The following FAM20B variants were observed in gnomAD, a reference collection of about 807,000 sequenced individuals.
The protein encoded by FAM20B is glycosaminoglycan xylosylkinase.
A neutral mutation model predicts 43.8 loss-of-function variants in FAM20B; 23 were observed. The observed-to-expected ratio is 0.53, with a 90% CI of 0.38 to 0.74. FAM20B has a LOEUF of 0.74. Ranked by LOEUF, FAM20B falls within the 30% of genes least tolerant of loss-of-function variation. The pLI, the probability that FAM20B is intolerant of heterozygous loss-of-function variation, is 0.00. For missense variants in FAM20B, 440 were observed against 510.5 expected, an observed-to-expected ratio of 0.86 and a Z score of 1.33; for synonymous variants, 178 against 192.4, an observed-to-expected ratio of 0.93 and a Z score of 0.62.
At chr1:179,062,556 A>T (rs1259123858) in intron 4 of FAM20B, among the ~76,000 whole-genome samples, 2 of 152,086 alleles carry the variant, frequency 1.3e-5, no homozygotes, top group East Asian at 3.9e-4. Context: ...AGGCTGAGGC[A>T]GGAGAATTGC....
intron 6 of FAM20B, among the ~76,000 whole-genome samples, chr1:179,066,074 G>A (rs918748286): frequency 6.6e-6 from 1 of 152,136 alleles, no homozygotes; most frequent in African/African-American, 2.4e-5. Context: ...CAGGGATTAC[G>A]AATTTGAGGG....
At chr1:179,067,359 AT>A (rs1406443652) in intron 7 of FAM20B, among the ~76,000 whole-genome samples, 1 of 152,136 alleles carries the variant, frequency 6.6e-6, no homozygotes, top group African/African-American at 2.4e-5. Flanking sequence ...AATCCCAGCA[AT>A]TTGGGAGGCC....
At chr1:179,024,914 T>G (rs190642143), upstream of FAM20B, among the ~76,000 whole-genome samples, 1 of 152,244 alleles carries the variant, frequency 6.6e-6, no homozygotes, top group African/African-American at 2.4e-5. Flanking sequence ...TCCAGTATCA[T>G]ACAGCCAGTA....
chr1:179,064,232 C>CGA, intron 5 of FAM20B, 73 bp from the exon 6 acceptor site: 2 of 1,446,118 alleles, frequency 1.4e-6, no homozygotes, highest in Non-Finnish European at 1.9e-6. Flanking sequence ...GGTAGGAACT[C>CGA]TGTCTTCTCT....
At chr1:179,069,291 C>G (rs1217087649) in intron 7 of FAM20B, among the ~76,000 whole-genome samples, 1 of 152,178 alleles carries the variant, frequency 6.6e-6, no homozygotes, top group African/African-American at 2.4e-5. Context: ...CCCTTTGCGC[C>G]CTCTAGTGAG....
At chr1:179,071,889 T>C in intron 7 of FAM20B, 24 bp from the exon 8 acceptor site, 1 of 1,543,518 alleles carries the variant, frequency 6.5e-7, no homozygotes, top group Non-Finnish European at 9.0e-7. Context: ...TTTATGTACC[T>C]TGTTCTATAA....
rs1572567251 is a variant in FAM20B at position 179,075,429 on chromosome 1, C to A, written c.*3285C>A. 6.6e-6 allele frequency: 1 copy of A among 152,384 alleles called. No homozygotes were observed. The highest frequency in any genetic ancestry group is 2.4e-5 in the African/African-American group (1 of 41,386). The allele number at this position is 152,384 out of a possible 1,614,324, so 9.4% of individuals were successfully genotyped here. A position where few individuals can be genotyped will look rare whatever the true frequency, so the allele number is the denominator to read the frequency against. On this transcript the variant is annotated 3_prime_UTR_variant, in exon 8 of 8. Coordinates refer to ENST00000263733, the MANE Select transcript of FAM20B (RefSeq NM_014864.4). ...TCCAACTTGTTAAAACATGTTTATT[C>A]TAAAGTTCGAATGGATAAATTTGAG...
At chr1:179,050,454 C>A (rs1316231000) in intron 3 of FAM20B, 89 bp downstream of exon 3, 6 of 841,110 alleles carry the variant, frequency 7.1e-6, no homozygotes, top group Non-Finnish European at 1.2e-5. Context: ...CAGAAGGATG[C>A]AACACTAATA....
chr1:179,074,980 A>T lies in FAM20B; in HGVS notation c.*2836A>T, dbSNP rs575209667. ...TGAGGCAGGCAGATCACCTGAGGCC[A>T]GGAGTTCGAGACCAGCCTGGCTGGC... On this transcript the variant is annotated 3_prime_UTR_variant, in exon 8 of 8. Coordinates refer to ENST00000263733, the MANE Select transcript of FAM20B (RefSeq NM_014864.4). 1 of 152,350 alleles carries T rather than the reference A, an allele frequency of 6.6e-6. No individual in the cohort carries two copies. Among genetic ancestry groups the T allele is most frequent in the East Asian group, 1.9e-4 (1 of 5,188 alleles). The allele number at this position is 152,350 out of a possible 1,614,324, so 9.4% of individuals were successfully genotyped here. A position where few individuals can be genotyped will look rare whatever the true frequency, so the allele number is the denominator to read the frequency against.
At chr1:179,048,196 C>G (rs941179853) in intron 2 of FAM20B, among the ~76,000 whole-genome samples, 1 of 151,958 alleles carries the variant, frequency 6.6e-6, no homozygotes, top group African/African-American at 2.4e-5. Flanking sequence ...CCTAGAAGCG[C>G]GTAGAAGTGA....
chr1:179,039,880 C>A (rs913846881), intron 1 of FAM20B, among the ~76,000 whole-genome samples: 1 of 152,060 alleles, frequency 6.6e-6, no homozygotes, highest in African/African-American at 2.4e-5. Flanking sequence ...GACCCTGCGG[C>A]CTTCCGCAGT....
intron 1 of FAM20B, among the ~76,000 whole-genome samples, chr1:179,040,325 C>T (rs903293796): frequency 8.6e-5 from 13 of 151,980 alleles, no homozygotes; most frequent in African/African-American, 3.1e-4. Context: ...AGAGGCGCCC[C>T]TCACCTCCTG....
In FAM20B at chr1:179,072,096, G is replaced by A. The variant is rs1326421620; in HGVS notation, c.1182G>A (p.Gly394=). Reference sequence around the variant, plus strand: ...TGAAGCAGTGCACCGACCAGTTTGGGATGGACACAGTACTGGTGGAAGACA... The same window carrying A: ...TGAAGCAGTGCACCGACCAGTTTGGAATGGACACAGTACTGGTGGAAGACA... ...ATVKQCTDQF[G]MDTVLVEDRM... The change falls in exon 8 of 8, where the codon GGG becomes GGA. Residue 394 remains glycine (G), a synonymous_variant. Transcript: ENST00000263733. 3 of 1,614,026 alleles carry A rather than the reference G, an allele frequency of 1.9e-6. No individual in the cohort carries two copies. Among genetic ancestry groups the A allele is most frequent in the African/African-American group, 1.3e-5 (1 of 74,916 alleles).
chr1:179,052,295 G>C (rs577407253), intron 3 of FAM20B, among the ~76,000 whole-genome samples: 5 of 152,238 alleles, frequency 3.3e-5, no homozygotes, highest in African/African-American at 9.6e-5. Flanking sequence ...ATGTGGGGTG[G>C]GGGGAGGTTC....
rs1278076253 is a variant in FAM20B at position 179,073,755 on chromosome 1, C to T, written c.*1611C>T. The stretch of plus-strand genomic sequence containing the variant: ...TCTGAACCCATGATGTTGTATTATG[C>T]TTCTTTCTCCTCTTAGCACTCTCAA... On this transcript the variant is annotated 3_prime_UTR_variant, in exon 8 of 8. Transcript: ENST00000263733. 1 of 152,226 alleles carries T rather than the reference C, an allele frequency of 6.6e-6. No homozygotes were observed. The highest frequency in any genetic ancestry group is 2.4e-5 in the African/African-American group (1 of 41,452). 9.4% of individuals were successfully genotyped at this position (152,226 alleles called of 1,614,324 possible).
intron 1 of FAM20B, among the ~76,000 whole-genome samples, chr1:179,037,057 G>A (rs1250679343): frequency 6.6e-6 from 1 of 152,230 alleles, no homozygotes; most frequent in Admixed American, 6.5e-5. Flanking sequence ...GAGGAACAAT[G>A]GGAGTGATGT....
intron 1 of FAM20B, among the ~76,000 whole-genome samples, chr1:179,040,661 T>C (rs1650462468): frequency 8.4e-6 from 1 of 119,440 alleles, no homozygotes; most frequent in South Asian, 2.7e-4. Context: ...GGCCGGGCGC[T>C]GATCCCCCCA....
chr1:179,063,149 C>T (rs547682182), intron 4 of FAM20B, among the ~76,000 whole-genome samples: 16 of 152,166 alleles, frequency 1.1e-4, no homozygotes, highest in African/African-American at 3.1e-4. Flanking sequence ...TGGTGGCATG[C>T]GCCTGTAATC....
At chr1:179,034,363 G>T (rs180948468) in intron 1 of FAM20B, among the ~76,000 whole-genome samples, 9 of 152,114 alleles carry the variant, frequency 5.9e-5, no homozygotes, top group South Asian at 4.1e-4. Flanking sequence ...TTCAAGGGGA[G>T]GAAAAACAGA....
Sources: gnomAD v4.1 joint callset for allele counts (sites outside exome capture counted in the v4.1 genomes callset) on GRCh38, gnomAD v4.1.1 for gene constraint, MANE v1.5 for transcripts, NCBI Gene and HGNC (gene_info 2026-07-23, HGNC 2026-07-21) for gene names.